The following NKAIN2 variants were observed in gnomAD, a reference collection of about 807,000 sequenced individuals.
The protein encoded by NKAIN2 is sodium/potassium-transporting ATPase subunit beta-1-interacting protein 2.
NKAIN2 carries 14 observed loss-of-function variants against 32.6 expected under a neutral mutation model. The observed-to-expected ratio is 0.43, with a 90% CI of 0.28 to 0.67. The LOEUF (loss-of-function observed/expected upper bound fraction) is 0.67, where lower values mean the gene tolerates loss of function less well. Among genes scored for constraint, NKAIN2 ranks in the 30% least tolerant of loss-of-function variants. The pLI is 0.17. For synonymous variants in NKAIN2, 80 were observed against 87.2 expected (o/e 0.92, Z 0.46); for missense variants, 198 against 258.3 (o/e 0.77, Z 1.60).
chr6:123,852,809 C>G (rs936351900), intron 1 of NKAIN2, among the ~76,000 whole-genome samples: 1 of 152,122 alleles, frequency 6.6e-6, no homozygotes, highest in East Asian at 1.9e-4. Flanking sequence ...TTATCCCTTC[C>G]TGAACTTTAC....
At chr6:123,866,052 T>A (rs1775968329) in intron 1 of NKAIN2, among the ~76,000 whole-genome samples, 1 of 152,176 alleles carries the variant, frequency 6.6e-6, no homozygotes, top group Non-Finnish European at 1.5e-5. Context: ...TTGGAGTCTA[T>A]CTCCCTAGTA....
chr6:123,864,001 A>G (rs1419454792), intron 1 of NKAIN2, among the ~76,000 whole-genome samples: 1 of 152,218 alleles, frequency 6.6e-6, no homozygotes, highest in South Asian at 2.1e-4. Context: ...GATCAAAATA[A>G]TCAAAGAACA....
intron 1 of NKAIN2, among the ~76,000 whole-genome samples, chr6:124,160,459 A>G (rs529476910): frequency 8.7e-4 from 132 of 152,274 alleles, no homozygotes; most frequent in African/African-American, 3.2e-3. Flanking sequence ...GCACCATTAT[A>G]TGCTACATAC....
At chr6:124,721,738 G>A (rs1776029050) in intron 4 of NKAIN2, among the ~76,000 whole-genome samples, 1 of 152,056 alleles carries the variant, frequency 6.6e-6, no homozygotes, top group Non-Finnish European at 1.5e-5. Flanking sequence ...GAGAACAGTG[G>A]CAATGGCCCG....
Position 124,183,599 on chromosome 6 carries a change from A to G in NKAIN2, c.55-99406A>G, listed in dbSNP as rs554411326. Among the ~76,000 whole-genome samples, 6 of 151,930 alleles carry G rather than the reference A, an allele frequency of 3.9e-5. No homozygotes were observed. In the East Asian group the frequency reaches 1.2e-3, roughly 29 times the overall value. ...TTAATGTTTATTGGAATATTTTTCT[A>G]AAAGAGAAAAAAACACTCTTTTTTC... On this transcript the variant is annotated intron_variant, in intron 1 of 6. Coordinates refer to ENST00000368417, the MANE Select transcript of NKAIN2 (RefSeq NM_001040214.3).
intron 3 of NKAIN2, among the ~76,000 whole-genome samples, chr6:124,559,689 C>T (rs1780612858): frequency 6.6e-6 from 1 of 152,082 alleles, no homozygotes; most frequent in South Asian, 2.1e-4. Context: ...TGCTCTGTCA[C>T]ATTTTTTCCT....
chr6:124,786,254 G>A (rs1779498293), intron 4 of NKAIN2, among the ~76,000 whole-genome samples: 2 of 151,924 alleles, frequency 1.3e-5, no homozygotes, highest in South Asian at 4.2e-4. Flanking sequence ...AGTACCAAAG[G>A]CCATAGCTGG....
At position 124,081,732 on chromosome 6, in the gene NKAIN2, G is replaced by A. The variant is rs544171290; in HGVS notation, c.55-201273G>A. The stretch of plus-strand genomic sequence containing the variant: ...GGAATCAAAATTCTGACTTTTCAAG[G>A]CCAATTTGCAATACACCATAGACTT... On this transcript the variant is annotated intron_variant, in intron 1 of 6. Transcript: ENST00000368417. Among the ~76,000 whole-genome samples the A allele has an allele frequency of 2.6e-5, 4 of 152,000 alleles. No individual in the cohort carries two copies. The South Asian group carries it at 6.2e-4, about 24-fold the overall frequency.
At chr6:124,454,059 T>G (rs1776223155) in intron 3 of NKAIN2, among the ~76,000 whole-genome samples, 1 of 144,290 alleles carries the variant, frequency 6.9e-6, no homozygotes, top group Non-Finnish European at 1.5e-5. Flanking sequence ...GAGTATAAAA[T>G]TATTTCATTG....
At chr6:124,330,613 G>A (rs978553069) in intron 2 of NKAIN2, among the ~76,000 whole-genome samples, 1 of 152,116 alleles carries the variant, frequency 6.6e-6, no homozygotes, top group Non-Finnish European at 1.5e-5. Flanking sequence ...ACTTGACTGT[G>A]AGCTGTCAAC....
intron 4 of NKAIN2, among the ~76,000 whole-genome samples, chr6:124,666,461 G>C (rs1772800833): frequency 6.6e-6 from 1 of 152,120 alleles, no homozygotes; most frequent in South Asian, 2.1e-4. Flanking sequence ...TGAATAGTAA[G>C]AAGTAAGTTG....
chr6:124,145,740 C>T (rs546770570), intron 1 of NKAIN2, among the ~76,000 whole-genome samples: 4 of 152,132 alleles, frequency 2.6e-5, no homozygotes, highest in South Asian at 4.2e-4. Context: ...CTCATGACCT[C>T]GTGATCCACC....
rs1196730638 is a variant in NKAIN2 at position 124,167,541 on chromosome 6, A to G, written c.55-115464A>G. ...CTCCTGCCTGAATGCCCTGGCCAGA[A>G]CTTCCAACACTATGTTGAATAGGAG... On this transcript the variant is annotated intron_variant, in intron 1 of 6. Coordinates refer to ENST00000368417, the MANE Select transcript of NKAIN2 (RefSeq NM_001040214.3). Among the ~76,000 whole-genome samples the G allele has an allele frequency of 3.9e-5, 6 of 152,272 alleles. No individual in the cohort carries two copies. The East Asian group carries it at 7.7e-4, about 20-fold the overall frequency.
chr6:124,142,321 T>C (rs1787185763), intron 1 of NKAIN2, among the ~76,000 whole-genome samples: 1 of 152,186 alleles, frequency 6.6e-6, no homozygotes, highest in Non-Finnish European at 1.5e-5. Context: ...TTTTTGTTTT[T>C]GATGTGATTA....
intron 3 of NKAIN2, among the ~76,000 whole-genome samples, chr6:124,460,138 G>C (rs950426210): frequency 1.5e-4 from 22 of 151,640 alleles, no homozygotes; most frequent in African/African-American, 5.3e-4. Context: ...TGGAAATGTA[G>C]AGTTCTTTAG....
At chr6:124,759,620 C>T (rs1307893048) in intron 4 of NKAIN2, among the ~76,000 whole-genome samples, 7 of 133,210 alleles carry the variant, frequency 5.3e-5, no homozygotes, top group African/African-American at 1.9e-4. Context: ...CACACACACA[C>T]ACACACACAC....
chr6:124,487,143 T>C (rs78111070), intron 3 of NKAIN2, among the ~76,000 whole-genome samples: 2,079 of 152,252 alleles, frequency 0.014, 50 homozygotes, highest in African/African-American at 0.048. Flanking sequence ...TCAGTATTTT[T>C]GGTCAGTGTT....
rs1431274298 is a variant in NKAIN2 at position 124,530,538 on chromosome 6, C to A, written c.274-127648C>A. 2.6e-5 allele frequency among the ~76,000 whole-genome samples: 4 copies of A among 151,972 alleles called. No individual in the cohort carries two copies. The East Asian group carries it at 7.7e-4, about 29-fold the overall frequency. On this transcript the variant is annotated intron_variant, in intron 3 of 6. Coordinates refer to ENST00000368417, the MANE Select transcript of NKAIN2 (RefSeq NM_001040214.3). The stretch of plus-strand genomic sequence containing the variant: ...GAAAAAAGTCTGCACATAAATGGAC[C>A]CAAATCATTCAAAACCGAGCTGTGC...
chr6:124,025,322 G>A (rs945275251), intron 1 of NKAIN2, among the ~76,000 whole-genome samples: 1 of 152,084 alleles, frequency 6.6e-6, no homozygotes, highest in Non-Finnish European at 1.5e-5. Flanking sequence ...GTAGGAGATC[G>A]GATGCATGAT....
Sources: allele counts gnomAD v4.1 joint callset (sites outside exome capture counted in the v4.1 genomes callset), GRCh38; gene constraint gnomAD v4.1.1; transcripts MANE v1.5; gene names NCBI Gene and HGNC (gene_info 2026-07-23, HGNC 2026-07-21).